Variants in ANTXR1 observed in about 807,000 individuals in gnomAD.
ANTXR1 encodes anthrax toxin receptor 1.
In ANTXR1, 19 loss-of-function variants were observed where a neutral mutation model predicts 78.1. The observed-to-expected ratio is 0.24, with a 90% CI of 0.17 to 0.36. ANTXR1 has a LOEUF of 0.36. Ranked by LOEUF, ANTXR1 falls within the 10% of genes least tolerant of loss-of-function variation. The pLI, the probability that ANTXR1 is intolerant of heterozygous loss-of-function variation, is 1.00. For missense variants in ANTXR1, 518 were observed against 718.6 expected, an observed-to-expected ratio of 0.72 and a Z score of 3.19; for synonymous variants, 273 against 260.5, an observed-to-expected ratio of 1.05 and a Z score of -0.46.
intron 12 of ANTXR1, among the ~76,000 whole-genome samples, chr2:69,141,085 A>T (rs1673055473): frequency 1.3e-5 from 2 of 152,162 alleles, no homozygotes; most frequent in Non-Finnish European, 2.9e-5. Flanking sequence ...TGGCAATCTT[A>T]AGGGCCTGAA....
chr2:69,092,698 A>G (rs1053851039), intron 9 of ANTXR1, among the ~76,000 whole-genome samples: 16 of 152,222 alleles, frequency 1.1e-4, no homozygotes, highest in African/African-American at 3.9e-4. Flanking sequence ...GGCAAATTTG[A>G]CAAAAACATA....
At chr2:69,137,553 A>T (rs1672947452) in intron 12 of ANTXR1, among the ~76,000 whole-genome samples, 1 of 152,104 alleles carries the variant, frequency 6.6e-6, no homozygotes, top group Non-Finnish European at 1.5e-5. Flanking sequence ...TTGAAAAAGG[A>T]TCTGAAAAGT....
intron 3 of ANTXR1, among the ~76,000 whole-genome samples, chr2:69,054,429 C>T (rs1670013812): frequency 1.3e-5 from 2 of 152,160 alleles, no homozygotes; most frequent in African/African-American, 4.8e-5. Flanking sequence ...TACATTTCAT[C>T]TTCATGGGCT....
chr2:69,080,030 C>G, intron 8 of ANTXR1, among the ~76,000 whole-genome samples: 1 of 152,302 alleles, frequency 6.6e-6, no homozygotes, highest in East Asian at 1.9e-4. Context: ...AACTATCGTT[C>G]AAAATAGAAA....
intron 9 of ANTXR1, among the ~76,000 whole-genome samples, chr2:69,092,434 A>G (rs571417033): frequency 1.3e-5 from 2 of 152,396 alleles, no homozygotes; most frequent in South Asian, 4.1e-4. Context: ...ATGTACATAC[A>G]TAAATATACA....
At chr2:69,188,418 T>A (rs974947298) in intron 16 of ANTXR1, among the ~76,000 whole-genome samples, 5 of 152,236 alleles carry the variant, frequency 3.3e-5, no homozygotes, top group African/African-American at 1.2e-4. Flanking sequence ...ATGCTATGAA[T>A]GCTGGCTGCA....
rs530965395 is a variant in ANTXR1, at chr2:69,114,283, C to T, written c.803-8734C>T. On this transcript the variant is annotated intron_variant, in intron 10 of 17. Coordinates refer to ENST00000303714, the MANE Select transcript of ANTXR1 (RefSeq NM_032208.3). ...ATTACTTTGTGATTAATACAAATAA[C>T]AACACATATGGGTAGATAATAATTT... Among the ~76,000 whole-genome samples the T allele has an allele frequency of 5.3e-5, 8 of 152,290 alleles. No homozygotes were observed. In the South Asian group the frequency reaches 1.7e-3, roughly 32 times the overall value.
intron 14 of ANTXR1, among the ~76,000 whole-genome samples, chr2:69,171,329 A>G (rs1673978258): frequency 6.6e-6 from 1 of 152,252 alleles, no homozygotes; most frequent in Admixed American, 6.5e-5. Flanking sequence ...CTGCCCAGAA[A>G]TCAAGGGAGG....
intron 6 of ANTXR1, among the ~76,000 whole-genome samples, chr2:69,074,022 G>A (rs981928860): frequency 1.1e-4 from 17 of 152,158 alleles, no homozygotes; most frequent in African/African-American, 3.9e-4. Context: ...TATTCATTCA[G>A]TGTTAACTGA....
intron 17 of ANTXR1, among the ~76,000 whole-genome samples, chr2:69,224,515 C>T (rs1675394915): frequency 1.3e-5 from 2 of 152,162 alleles, no homozygotes; most frequent in African/African-American, 4.8e-5. Flanking sequence ...AAATCTCTAC[C>T]TCCCTGCAAG....
intron 8 of ANTXR1, among the ~76,000 whole-genome samples, chr2:69,088,893 A>T (rs1671138839): frequency 6.6e-6 from 1 of 152,156 alleles, no homozygotes; most frequent in Non-Finnish European, 1.5e-5. Context: ...TGCCCAGAGC[A>T]GGTGTGTGAG....
chr2:69,234,909 T>C (rs1342821966), intron 17 of ANTXR1, among the ~76,000 whole-genome samples: 1 of 151,796 alleles, frequency 6.6e-6, no homozygotes, highest in African/African-American at 2.4e-5. Flanking sequence ...ACCAGATCTC[T>C]TGAATCCTAG....
chr2:69,225,610 G>A (rs186286154), intron 17 of ANTXR1, among the ~76,000 whole-genome samples: 8 of 152,232 alleles, frequency 5.3e-5, no homozygotes, highest in Non-Finnish European at 7.4e-5. Context: ...TGCTCAGCTC[G>A]CTACCAGAGG....
chr2:69,211,830 A>G (rs996495156), intron 17 of ANTXR1, among the ~76,000 whole-genome samples: 7 of 152,216 alleles, frequency 4.6e-5, no homozygotes, highest in South Asian at 2.1e-4. Flanking sequence ...GGAGTCCTGC[A>G]CAAGGCAGAC....
At chr2:69,100,250 T>A (rs775729357) in intron 9 of ANTXR1, among the ~76,000 whole-genome samples, 4 of 152,228 alleles carry the variant, frequency 2.6e-5, no homozygotes. Flanking sequence ...ATAACGTCTA[T>A]GTGTGAAGAG....
intron 3 of ANTXR1, among the ~76,000 whole-genome samples, chr2:69,046,741 A>T (rs1365091790): frequency 6.6e-6 from 1 of 152,208 alleles, no homozygotes; most frequent in Non-Finnish European, 1.5e-5. Context: ...CCAAGCTAGT[A>T]CTGCTTCTGA....
rs1675176110 is a variant in ANTXR1 at position 69,216,391 on chromosome 2, CTATT to C, written c.1434+22977_1434+22980del. Among the ~76,000 whole-genome samples, 2 of 152,128 alleles carry C rather than the reference CTATT, an allele frequency of 1.3e-5. 1 individual carries two copies. The highest frequency in any genetic ancestry group is 4.1e-4 in the South Asian group (2 of 4,820). ...CAAACATGCACATACACATACATAT[CTATT>C]AATACATACATACACACATGCATAT... On this transcript the variant is annotated intron_variant, in intron 17 of 17. Coordinates refer to ENST00000303714, the MANE Select transcript of ANTXR1 (RefSeq NM_032208.3).
chr2:69,068,320 T>C (rs984819725), intron 3 of ANTXR1, among the ~76,000 whole-genome samples: 8 of 152,116 alleles, frequency 5.3e-5, no homozygotes, highest in Non-Finnish European at 8.8e-5. Context: ...TTATAAAATA[T>C]CTTAAGTGCT....
chr2:69,137,439 C>T (rs949573307), intron 12 of ANTXR1, among the ~76,000 whole-genome samples: 1 of 152,094 alleles, frequency 6.6e-6, no homozygotes, highest in Non-Finnish European at 1.5e-5. Flanking sequence ...CCATTTATGC[C>T]ACCTCCTGGG....
Sources: gnomAD v4.1 joint callset for allele counts (sites outside exome capture counted in the v4.1 genomes callset) on GRCh38, gnomAD v4.1.1 for gene constraint, MANE v1.5 for transcripts, NCBI Gene and HGNC (gene_info 2026-07-23, HGNC 2026-07-21) for gene names.